Variants in VPS26A observed in about 807,000 individuals in gnomAD.
VPS26A encodes vacuolar protein sorting-associated protein 26A.
A neutral mutation model predicts 42.4 loss-of-function variants in VPS26A; 22 were observed. The ratio of observed to expected loss-of-function variants is 0.52; its 90% CI spans 0.37 to 0.74. VPS26A has a LOEUF of 0.74. VPS26A is among the 30% of genes least tolerant of loss of function. The probability of loss-of-function intolerance (pLI) is 0.00; values close to 1 mark genes in which losing one functional copy is unlikely to be tolerated. For missense variants in VPS26A, 276 were observed against 379.2 expected, an observed-to-expected ratio of 0.73 and a Z score of 2.26; for synonymous variants, 110 against 123.5, an observed-to-expected ratio of 0.89 and a Z score of 0.73.
At chr10:69,150,923 T>C (rs1020521582) in intron 2 of VPS26A, among the ~76,000 whole-genome samples, 19 of 150,776 alleles carry the variant, frequency 1.3e-4, no homozygotes, top group African/African-American at 4.5e-4. Context: ...TTTGCAAGTT[T>C]TTGAATTATA....
chr10:69,125,968 T>C (rs1564670047), intron 1 of VPS26A, among the ~76,000 whole-genome samples: 1 of 152,166 alleles, frequency 6.6e-6, no homozygotes, highest in South Asian at 2.1e-4. Context: ...CTAAAGTCAG[T>C]GATAGGAGGT....
Position 69,172,697 on chromosome 10 carries a change from G to A in VPS26A, c.*1428G>A, listed in dbSNP as rs140224522. ...TATGAATGGTAATGTTTTCCTTCAT[G>A]TAAGTGCCTATTCAGAGTTTCAGAA... On this transcript the variant is annotated 3_prime_UTR_variant, in exon 9 of 9. Transcript: ENST00000263559. The A allele has an allele frequency of 6.5e-6, 1 of 152,782 alleles. No individual in the cohort carries two copies. The highest frequency in any genetic ancestry group is 1.9e-4 in the East Asian group (1 of 5,192). The allele number at this position is 152,782 out of a possible 1,614,324, so 9.5% of individuals were successfully genotyped here. A position where few individuals can be genotyped will look rare whatever the true frequency, so the allele number is the denominator to read the frequency against.
chr10:69,145,738 T>TA (rs397711699), intron 2 of VPS26A, among the ~76,000 whole-genome samples: 4 of 151,688 alleles, frequency 2.6e-5, no homozygotes, highest in South Asian at 2.1e-4. Flanking sequence ...TTTTTTTTTT[T>TA]AAATAGCCTA....
intron 2 of VPS26A, chr10:69,133,757 A>C: frequency 2.3e-6 from 1 of 426,380 alleles, no homozygotes; most frequent in Non-Finnish European, 4.2e-6. Flanking sequence ...ATCATGGCTT[A>C]CTGCATGCGG....
chr10:69,169,761 AC>A (rs1194270393), intron 8 of VPS26A, among the ~76,000 whole-genome samples: 1 of 151,090 alleles, frequency 6.6e-6, no homozygotes, highest in East Asian at 2.0e-4. Flanking sequence ...GGTATGCACC[AC>A]CACACCCGGC....
intron 1 of VPS26A, among the ~76,000 whole-genome samples, chr10:69,131,657 C>T (rs775577696): frequency 3.3e-5 from 5 of 151,710 alleles, no homozygotes; most frequent in East Asian, 1.9e-4. Flanking sequence ...GGTGTGAACC[C>T]GGGAGGCGGA....
chr10:69,154,917 T>TA (rs1564682518), intron 2 of VPS26A, among the ~76,000 whole-genome samples: 21 of 151,550 alleles, frequency 1.4e-4, no homozygotes, highest in South Asian at 2.1e-4. Context: ...ATATATATAT[T>TA]TTTTTTTTAA....
At chr10:69,130,418 G>A (rs913355662) in intron 1 of VPS26A, among the ~76,000 whole-genome samples, 8 of 152,176 alleles carry the variant, frequency 5.3e-5, no homozygotes, top group African/African-American at 1.9e-4. Flanking sequence ...AGACAAGAAG[G>A]ACACTAGCAA....
At chr10:69,132,751 A>G (rs1840813807) in intron 1 of VPS26A, 147 bp from the exon 2 acceptor site, 2 of 831,456 alleles carry the variant, frequency 2.4e-6, no homozygotes, top group Non-Finnish European at 3.5e-6. Context: ...CCTTTGATGT[A>G]GCATTTGATA....
chr10:69,147,074 G>C (rs1589353864), intron 2 of VPS26A, among the ~76,000 whole-genome samples: 4 of 152,230 alleles, frequency 2.6e-5, no homozygotes. Flanking sequence ...CCATGTTCTT[G>C]GCAACACTTA....
intron 1 of VPS26A, among the ~76,000 whole-genome samples, chr10:69,126,482 A>G (rs1379344874): frequency 6.6e-6 from 1 of 151,676 alleles, no homozygotes; most frequent in Non-Finnish European, 1.5e-5. Context: ...CAGGAGAATC[A>G]ATTGAACCCG....
intron 2 of VPS26A, among the ~76,000 whole-genome samples, chr10:69,137,094 G>A (rs1284594547): frequency 6.6e-6 from 1 of 152,072 alleles, no homozygotes; most frequent in Non-Finnish European, 1.5e-5. Flanking sequence ...CTGGCCTTTG[G>A]CGTGTTTTAA....
At chr10:69,143,988 A>C (rs1364110663) in intron 2 of VPS26A, among the ~76,000 whole-genome samples, 1 of 152,184 alleles carries the variant, frequency 6.6e-6, no homozygotes, top group East Asian at 1.9e-4. Flanking sequence ...AAAGTGCTGG[A>C]ATGACAGGTG....
intron 2 of VPS26A, among the ~76,000 whole-genome samples, chr10:69,133,255 G>C (rs955650930): frequency 1.2e-4 from 18 of 152,066 alleles, no homozygotes; most frequent in African/African-American, 4.3e-4. Context: ...CAAGGGAAGA[G>C]CCTCTAAATT....
Position 69,124,241 on chromosome 10 carries a change from G to T in VPS26A, c.-37G>T. On this transcript the variant is annotated 5_prime_UTR_variant, in exon 1 of 9. The change creates a new upstream start codon in the 5' untranslated region. Coordinates refer to ENST00000263559, the MANE Select transcript of VPS26A (RefSeq NM_004896.5). ...GGCTGGGAGTTCTCCTGAGGGAAGA[G>T]GAGTGGAGTAGGGGGGACGCGGCGG... 1 of 1,284,908 alleles carries T rather than the reference G, an allele frequency of 7.8e-7. No individual in the cohort carries two copies. Among genetic ancestry groups the T allele is most frequent in the East Asian group, 3.0e-5 (1 of 33,842 alleles). The allele number at this position is 1,284,908 out of a possible 1,614,324, so 79.6% of individuals were successfully genotyped here. A position where few individuals can be genotyped will look rare whatever the true frequency, so the allele number is the denominator to read the frequency against.
At chr10:69,158,473 C>G (rs1841480905) in intron 5 of VPS26A, among the ~76,000 whole-genome samples, 1 of 152,042 alleles carries the variant, frequency 6.6e-6, no homozygotes, top group Non-Finnish European at 1.5e-5. Context: ...GCCAGTCCTT[C>G]TGAGGATACA....
intron 6 of VPS26A, among the ~76,000 whole-genome samples, chr10:69,165,667 A>G (rs1271200063): frequency 1.3e-5 from 2 of 152,056 alleles, no homozygotes; most frequent in Admixed American, 6.6e-5. Flanking sequence ...AAACTTAGCC[A>G]GGCATGATAG....
chr10:69,154,101 G>A lies in VPS26A; in HGVS notation c.154-1711G>A, dbSNP rs527454941. On this transcript the variant is annotated intron_variant, in intron 2 of 8. Coordinates refer to ENST00000263559, the MANE Select transcript of VPS26A (RefSeq NM_004896.5). Reference sequence around the variant, plus strand: ...AACGGAGCCCTGACTCCCATGCCAAGCAATGTGAAGTTGTATCCTTGACTG... The same window carrying A: ...AACGGAGCCCTGACTCCCATGCCAAACAATGTGAAGTTGTATCCTTGACTG... Among the ~76,000 whole-genome samples, 36 of 152,328 alleles carry A rather than the reference G, an allele frequency of 2.4e-4. 2 individuals are homozygous for A. Among genetic ancestry groups the A allele is most frequent in the African/African-American group, 8.2e-4 (34 of 41,584 alleles).
intron 8 of VPS26A, chr10:69,169,950 T>G (rs1468135290): frequency 6.6e-6 from 1 of 152,208 alleles, no homozygotes; most frequent in Non-Finnish European, 1.5e-5. Context: ...CATTACAAAC[T>G]TGTTCTCATT....
Sources: gnomAD v4.1 joint callset for allele counts (sites outside exome capture counted in the v4.1 genomes callset) on GRCh38, gnomAD v4.1.1 for gene constraint, MANE v1.5 for transcripts, NCBI Gene and HGNC (gene_info 2026-07-23, HGNC 2026-07-21) for gene names.